The following MDGA1 variants were observed in gnomAD, a reference collection of about 807,000 sequenced individuals.
MDGA1 encodes MAM domain-containing glycosylphosphatidylinositol anchor protein 1.
A neutral mutation model predicts 101.5 loss-of-function variants in MDGA1; 54 were observed. That is an observed-to-expected ratio of 0.53 (90% CI 0.43 to 0.67). The LOEUF (loss-of-function observed/expected upper bound fraction) is 0.67, where lower values mean the gene tolerates loss of function less well. MDGA1 is among the 30% of genes least tolerant of loss of function. The pLI, the probability that MDGA1 is intolerant of heterozygous loss-of-function variation, is 0.00. For missense variants in MDGA1, 1,083 were observed against 1,323.8 expected (o/e 0.82, Z 2.82); for synonymous variants, 533 against 558.3 (o/e 0.95, Z 0.64).
At position 37,635,459 on chromosome 6, in the gene MDGA1, C is replaced by T. The variant is rs1349444513; in HGVS notation, c.*1909G>A. 5.0e-6 allele frequency: 2 copies of T among 398,656 alleles called. No homozygotes were observed. The highest frequency in any genetic ancestry group is 8.8e-5 in the Admixed American group (2 of 22,718). 24.7% of individuals were successfully genotyped at this position (398,656 alleles called of 1,614,324 possible). A position where few individuals can be genotyped will look rare whatever the true frequency, so the allele number is the denominator to read the frequency against. On this transcript the variant is annotated 3_prime_UTR_variant, in exon 17 of 17. Transcript: ENST00000434837. ...AGTGTATGCTGAGAACCTGGAGCGA[C>T]TCATTTCAGACAGAGGCCTTGACTG...
chr6:37,679,223 C>A (rs913181148), intron 1 of MDGA1, among the ~76,000 whole-genome samples: 1 of 151,852 alleles, frequency 6.6e-6, no homozygotes, highest in Non-Finnish European at 1.5e-5. Context: ...GACTTGAAAT[C>A]GAGTAGGTGG....
chr6:37,655,930 G>C lies in MDGA1; in HGVS notation c.383-34C>G, dbSNP rs753162487. On this transcript the variant is annotated intron_variant, in intron 3 of 16. Coordinates refer to ENST00000434837, the MANE Select transcript of MDGA1 (RefSeq NM_153487.4). This position sits in a 1 kb window ranked among gnomAD's most constrained non-coding sequence, Gnocchi z 5.1. ...GCACAGCCCCCATGGAGTCAGGACT[G>C]GGTGACCCCAAGGTTGGGGGGCTCA... 3 of 1,575,450 alleles carry C rather than the reference G, an allele frequency of 1.9e-6. No homozygotes were observed. The highest frequency in any genetic ancestry group is 2.6e-6 in the Non-Finnish European group (3 of 1,158,942).
intron 1 of MDGA1, among the ~76,000 whole-genome samples, chr6:37,667,639 T>G (rs1461661171): frequency 6.6e-6 from 1 of 152,192 alleles, no homozygotes; most frequent in African/African-American, 2.4e-5. Flanking sequence ...TGCATGCTGG[T>G]TGCTGATAAG....
intron 1 of MDGA1, among the ~76,000 whole-genome samples, chr6:37,692,033 G>C (rs1762317773): frequency 6.6e-6 from 1 of 152,234 alleles, no homozygotes; most frequent in Non-Finnish European, 1.5e-5. Flanking sequence ...ACCGGGGTGG[G>C]TACGTGGGAG....
chr6:37,656,377 C>CTT (rs11396920), intron 3 of MDGA1, among the ~76,000 whole-genome samples: 10,704 of 142,742 alleles, frequency 0.075, 480 homozygotes, highest in East Asian at 0.18. Flanking sequence ...CGCCCGGACT[C>CTT]TTTTTTTTTT....
intron 14 of MDGA1, chr6:37,643,426 C>T (rs572167039): frequency 5.4e-4 from 98 of 179,986 alleles, no homozygotes; most frequent in African/African-American, 2.2e-3. Flanking sequence ...GCACCCACGA[C>T]CACACCCAGC....
intron 1 of MDGA1, among the ~76,000 whole-genome samples, chr6:37,685,398 G>A (rs890070007): frequency 6.6e-6 from 1 of 152,166 alleles, no homozygotes; most frequent in Non-Finnish European, 1.5e-5. Context: ...CTGATAAGTT[G>A]TTACAGAAAG....
In MDGA1 at chr6:37,658,291, G is replaced by A. The variant is rs963281958; in HGVS notation, c.336C>T (p.Asn112=). The A allele has an allele frequency of 1.9e-6, 3 of 1,611,030 alleles. No homozygotes were observed. The highest frequency in any genetic ancestry group is 1.7e-6 in the Non-Finnish European group (2 of 1,178,948). The change falls in exon 3 of 17, where the codon AAC becomes AAT. Residue 112 remains asparagine (N), a synonymous_variant. Coordinates refer to ENST00000434837, the MANE Select transcript of MDGA1 (RefSeq NM_153487.4). ...QGGRYYCKAE[N]GVGVPAIKSI... ...ACTTGATGGCCGGCACCCCCACGCCGTTCTCAGCCTTGCAGTAGTAGCGGC... is the reference window on the plus strand; with the variant it reads ...ACTTGATGGCCGGCACCCCCACGCCATTCTCAGCCTTGCAGTAGTAGCGGC...
intron 1 of MDGA1, among the ~76,000 whole-genome samples, chr6:37,691,024 CACA>C (rs1049202568): frequency 4.4e-4 from 67 of 152,282 alleles, no homozygotes; most frequent in African/African-American, 1.4e-3. Context: ...TTCAAATTCT[CACA>C]ACCTTTTATC....
chr6:37,663,925 G>A (rs1310747647), intron 2 of MDGA1, 42 bp downstream of exon 2: 3 of 1,609,446 alleles, frequency 1.9e-6, no homozygotes, highest in South Asian at 1.1e-5. Context: ...TAGGCAAGGT[G>A]AGGGTAGGAG....
rs371150545 is a variant in MDGA1, at chr6:37,652,258, T to C, written c.1065A>G (p.Leu355=). 22 of 1,614,040 alleles carry C rather than the reference T, an allele frequency of 1.4e-5. No homozygotes were observed. Among genetic ancestry groups the C allele is most frequent in the Non-Finnish European group, 1.8e-5 (21 of 1,179,892 alleles). Residue 355 remains leucine (L), a synonymous_variant, in exon 7 of 17, where the codon CTA becomes CTG. Coordinates refer to ENST00000434837, the MANE Select transcript of MDGA1 (RefSeq NM_153487.4). This position sits in a 1 kb window ranked among gnomAD's most constrained non-coding sequence, Gnocchi z 4.3. ...GGGGCACTGCATCCACGTGGCACGA[T>C]AGCTTCAGGTCCTGGCCCAGCTGGA... ...ENIQLGQDLK[L]SCHVDAVPQE... is the part of the protein sequence containing the mutation.
chr6:37,675,992 C>T (rs1253407270), intron 1 of MDGA1, among the ~76,000 whole-genome samples: 1 of 152,216 alleles, frequency 6.6e-6, no homozygotes, highest in East Asian at 1.9e-4. Context: ...CCTCAGCTTC[C>T]TAACTAGAGA....
At position 37,658,357 on chromosome 6, in the gene MDGA1, G is replaced by C. The variant is rs200515120; in HGVS notation, c.270C>G (p.Asn90Lys). 1.2e-6 allele frequency: 2 copies of C among 1,613,000 alleles called. No homozygotes were observed. The highest frequency in any genetic ancestry group is 1.7e-6 in the Non-Finnish European group (2 of 1,179,696). Residue 90 changes from asparagine (N) to lysine (K), a missense_variant, in exon 3 of 17, where the codon AAC (asparagine) becomes AAG (lysine). Transcript: ENST00000434837. ...SDKFQETSVF[N>K]ETLRIERIAR... Reference sequence around the variant, plus strand: ...CAATACGCTCGATGCGCAGCGTCTCGTTGAACACCGATGTCTCCTGGAACT... The same window carrying C: ...CAATACGCTCGATGCGCAGCGTCTCCTTGAACACCGATGTCTCCTGGAACT...
rs1030462270 is a variant in MDGA1, at chr6:37,696,100, G to T, written c.67+645C>A. Among the ~76,000 whole-genome samples the T allele has an allele frequency of 4.6e-5, 7 of 152,208 alleles. No individual in the cohort carries two copies. Among genetic ancestry groups the T allele is most frequent in the Non-Finnish European group, 8.8e-5 (6 of 68,034 alleles). On this transcript the variant is annotated intron_variant, in intron 1 of 16. Coordinates refer to ENST00000434837, the MANE Select transcript of MDGA1 (RefSeq NM_153487.4). This position sits in a 1 kb window ranked among gnomAD's most constrained non-coding sequence, Gnocchi z 5.6. The stretch of plus-strand genomic sequence containing the variant: ...CTGGGGATGGTGGCTGAATGTATCT[G>T]TGTGTGCGCGCAGGAAGGAAGGTGG...
At chr6:37,649,669 G>A (rs1761310227) in intron 8 of MDGA1, among the ~76,000 whole-genome samples, 1 of 152,128 alleles carries the variant, frequency 6.6e-6, no homozygotes, top group Non-Finnish European at 1.5e-5. Flanking sequence ...TCCGTGTCTC[G>A]GGTTCCCTGT....
chr6:37,638,248 C>T lies in MDGA1; in HGVS notation c.2733G>A (p.Leu911=). ...LGDIAIDDVT[L]KKGECPRKQT... is the part of the protein sequence containing the mutation. ...GCTTCCGGGGACACTCCCCCTTCTT[C>T]AGTGTGACGTCATCTATGGCAATAT... The change falls in exon 16 of 17, where the codon CTG becomes CTA. Residue 911 remains leucine (L), a synonymous_variant. Coordinates refer to ENST00000434837, the MANE Select transcript of MDGA1 (RefSeq NM_153487.4). This position sits in a 1 kb window ranked among gnomAD's most constrained non-coding sequence, Gnocchi z 4.8. The T allele has an allele frequency of 6.2e-7, 1 of 1,613,842 alleles. No individual in the cohort carries two copies. The highest frequency in any genetic ancestry group is 8.5e-7 in the Non-Finnish European group (1 of 1,179,812).
chr6:37,672,600 G>A (rs111571592), intron 1 of MDGA1, among the ~76,000 whole-genome samples: 2,809 of 152,186 alleles, frequency 0.018, 43 homozygotes, highest in South Asian at 0.04. Context: ...AAAATTCCCC[G>A]CCCAGAGTTG....
chr6:37,638,400 A>C lies in MDGA1; in HGVS notation c.2668-87T>G. 1.3e-6 allele frequency: 2 copies of C among 1,506,476 alleles called. No homozygotes were observed. The highest frequency in any genetic ancestry group is 1.8e-6 in the Non-Finnish European group (2 of 1,104,938). The allele number at this position is 1,506,476 out of a possible 1,614,324, so 93.3% of individuals were successfully genotyped here. ...CTCCCTCGACCCCACCTTTCCCCTT[A>C]ATCTACCTGGAAGTTCCCCCTAACC... On this transcript the variant is annotated intron_variant, in intron 15 of 16. Transcript: ENST00000434837. The surrounding 1 kb of genome is among the most constrained non-coding windows in gnomAD (Gnocchi z 4.8).
At chr6:37,686,932 TG>T (rs1451361045) in intron 1 of MDGA1, among the ~76,000 whole-genome samples, 1 of 152,176 alleles carries the variant, frequency 6.6e-6, no homozygotes, top group East Asian at 1.9e-4. Context: ...GCTGCTCCCT[TG>T]GGCCAACCCA....
Sources: gnomAD v4.1 joint callset for allele counts (sites outside exome capture counted in the v4.1 genomes callset) on GRCh38, gnomAD v4.1.1 for gene constraint, Gnocchi (gnomAD v3.1) non-coding constraint, MANE v1.5 for transcripts, NCBI Gene and HGNC (gene_info 2026-07-23, HGNC 2026-07-21) for gene names.